The following HAVCR2 variants were observed in gnomAD, a reference collection of about 807,000 sequenced individuals.
HAVCR2 encodes T cell immunoglobulin mucin 3.
Under a neutral mutation model 24.7 loss-of-function variants are expected in HAVCR2, and 13 were observed. The ratio of observed to expected loss-of-function variants is 0.53; its 90% confidence interval spans 0.34 to 0.84. The LOEUF (loss-of-function observed/expected upper bound fraction) is 0.84. HAVCR2 is among the 40% of genes least tolerant of loss of function. The pLI is 0.01. For missense variants in HAVCR2, 343 were observed against 371.2 expected (o/e 0.92, Z 0.62); for synonymous variants, 154 against 143.4 (o/e 1.07, Z -0.53).
In HAVCR2 at chr5:157,086,889, G is replaced by T; in HGVS notation, c.*213C>A. On this transcript the variant is annotated 3_prime_UTR_variant, in exon 7 of 7. Transcript: ENST00000307851. ...ATCCATGATTAACAGTCTCTGGGTT[G>T]GGTAACTCTGTTGGCTTAAATACAG... The T allele has an allele frequency of 1.9e-6, 1 of 519,918 alleles. No homozygotes were observed. The highest frequency in any genetic ancestry group is 3.4e-6 in the Non-Finnish European group (1 of 298,218). The allele number at this position is 519,918 out of a possible 1,614,324, so 32.2% of individuals were successfully genotyped here. A position where few individuals can be genotyped will look rare whatever the true frequency, so the allele number is the denominator to read the frequency against.
chr5:157,104,542 C>T (rs1581762710), intron 3 of HAVCR2, 124 bp downstream of exon 3: 1 of 613,404 alleles, frequency 1.6e-6, no homozygotes, highest in South Asian at 2.3e-5. Flanking sequence ...AACACTATTT[C>T]AGGTGCACGG....
At chr5:157,090,148 G>C (rs1250496432) in intron 5 of HAVCR2, among the ~76,000 whole-genome samples, 8 of 8,180 alleles carry the variant, frequency 9.8e-4, no homozygotes, top group African/African-American at 4.0e-3. Flanking sequence ...TTTTTTTTTT[G>C]AGACAGGGTC....
At chr5:157,103,248 G>A (rs1275560398) in intron 3 of HAVCR2, among the ~76,000 whole-genome samples, 6 of 152,052 alleles carry the variant, frequency 3.9e-5, no homozygotes, top group Non-Finnish European at 7.4e-5. Context: ...GTGGGCGCCT[G>A]TAGTCCCAGC....
chr5:157,092,787 C>T (rs1410133729), intron 5 of HAVCR2, among the ~76,000 whole-genome samples: 1 of 146,154 alleles, frequency 6.8e-6, no homozygotes. Flanking sequence ...CCTGTAATCC[C>T]AGCACTTTGG....
At chr5:157,093,609 C>A (rs1269782760) in intron 5 of HAVCR2, among the ~76,000 whole-genome samples, 3 of 152,092 alleles carry the variant, frequency 2.0e-5, no homozygotes, top group Non-Finnish European at 4.4e-5. Flanking sequence ...GGCATAAGGA[C>A]TTGGTTTCTG....
Position 157,099,991 on chromosome 5 carries a change from G to A in HAVCR2, c.479-1090C>T, listed in dbSNP as rs144625097. ...GATTACAGGCGTGAGCCACCGTGCC[G>A]TGCCCAGCCTCCATTTTCTTAAATA... On this transcript the variant is annotated intron_variant, in intron 3 of 6. Transcript: ENST00000307851. Among the ~76,000 whole-genome samples, 408 of 152,152 alleles carry A rather than the reference G, an allele frequency of 2.7e-3. 1 individual carries two copies. Among genetic ancestry groups the A allele is most frequent in the Middle Eastern group, 0.024 (7 of 294 alleles).
intron 3 of HAVCR2, 99 bp from the exon 4 acceptor site, chr5:157,099,000 C>A: frequency 1.0e-6 from 1 of 996,952 alleles, no homozygotes; most frequent in South Asian, 1.7e-5. Flanking sequence ...CTTAATGATG[C>A]CTATAATCCT....
intron 5 of HAVCR2, among the ~76,000 whole-genome samples, chr5:157,089,547 A>C (rs113560472): frequency 0.034 from 5,228 of 152,094 alleles, 277 homozygotes; most frequent in African/African-American, 0.11. Flanking sequence ...AAAAAAAAAA[A>C]AACAACAACA....
rs869177923 is a variant in HAVCR2 at position 157,090,122 on chromosome 5, C to CTTTTTTTTTTT, written c.677-1156_677-1146dup. Among the ~76,000 whole-genome samples, 605 of 65,486 alleles carry CTTTTTTTTTTT rather than the reference C, an allele frequency of 9.2e-3. 9 individuals are homozygous for CTTTTTTTTTTT. Among genetic ancestry groups the CTTTTTTTTTTT allele is most frequent in the East Asian group, 0.011 (22 of 1,966 alleles). 43.0% of individuals were successfully genotyped at this position (65,486 alleles called of 152,430 possible). On this transcript the variant is annotated intron_variant, in intron 5 of 6. Transcript: ENST00000307851. ...TTAAAATTTTCCTTTCTTTTCTTTT[C>CTTTTTTTTTTT]TTTTTTTTTTTTTTTTTTTTTTTTT...
chr5:157,093,802 A>G (rs6862573), intron 5 of HAVCR2, among the ~76,000 whole-genome samples: 128,143 of 151,906 alleles, frequency 0.84, 54,206 homozygotes, highest in East Asian at 0.99. Flanking sequence ...AAAATTAGCC[A>G]GGCGTGGTGG....
Position 157,087,079 on chromosome 5 carries a change from G to A in HAVCR2, c.*23C>T. On this transcript the variant is annotated 3_prime_UTR_variant, in exon 7 of 7. Transcript: ENST00000307851. ...GTTTCTGAAAAAGACAAAACACCAA[G>A]CTCAAAAATAAGGTGGTTGGATCTA... 6.2e-7 allele frequency: 1 copy of A among 1,606,266 alleles called. No homozygotes were observed. The highest frequency in any genetic ancestry group is 1.3e-5 in the African/African-American group (1 of 74,544).
Position 157,106,609 on chromosome 5 carries a change from A to T in HAVCR2, c.394+18T>A. On this transcript the variant is annotated intron_variant, in intron 2 of 6. Coordinates refer to ENST00000307851, the MANE Select transcript of HAVCR2 (RefSeq NM_032782.5). ...GATAAATCTTATTCATAAAGATGGC[A>T]TGCAAATGTCCACTCACCTGGTTTG... 1 of 1,581,994 alleles carries T rather than the reference A, an allele frequency of 6.3e-7. No homozygotes were observed. Among genetic ancestry groups the T allele is most frequent in the Non-Finnish European group, 8.7e-7 (1 of 1,150,938 alleles).
intron 5 of HAVCR2, among the ~76,000 whole-genome samples, chr5:157,090,122 CTTT>C (rs869177923): frequency 1.5e-4 from 10 of 65,580 alleles, no homozygotes; most frequent in African/African-American, 5.1e-4. Context: ...CTTTTCTTTT[CTTT>C]TTTTTTTTTT....
chr5:157,094,041 CT>C (rs1374358354), intron 5 of HAVCR2, among the ~76,000 whole-genome samples: 235 of 136,294 alleles, frequency 1.7e-3, no homozygotes, highest in Middle Eastern at 7.6e-3. Context: ...CAACACACTT[CT>C]TTTTTTTTTT....
chr5:157,103,647 AG>A (rs763059844), intron 3 of HAVCR2, among the ~76,000 whole-genome samples: 2 of 152,204 alleles, frequency 1.3e-5, no homozygotes, highest in Non-Finnish European at 2.9e-5. Context: ...TAAACAGTTG[AG>A]TGCTTTTTAT....
chr5:157,096,894 C>G (rs1195875072), intron 4 of HAVCR2, among the ~76,000 whole-genome samples: 1 of 151,072 alleles, frequency 6.6e-6, no homozygotes, highest in African/African-American at 2.4e-5. Context: ...AGTTAGGGAC[C>G]AGCCTAATAA....
At chr5:157,095,725 A>AAG (rs1554095441) in intron 4 of HAVCR2, among the ~76,000 whole-genome samples, 50 of 151,264 alleles carry the variant, frequency 3.3e-4, no homozygotes, top group African/African-American at 1.2e-3. Flanking sequence ...AAAAAAAAAA[A>AAG]AGAGAGAAGG....
chr5:157,100,085 A>G (rs542100051), intron 3 of HAVCR2, among the ~76,000 whole-genome samples: 4 of 152,334 alleles, frequency 2.6e-5, no homozygotes, highest in Admixed American at 2.6e-4. Context: ...TGTGGTCACA[A>G]TGTAATAGGA....
rs1278807966 is a variant in HAVCR2, at chr5:157,085,954, C to T, written c.*1148G>A. Reference sequence around the variant, plus strand: ...TCTTGAAATTTAAGTTTAGGGACCACTCTCTGTCAAAGGATCCAGCGCTGG... The same window carrying T: ...TCTTGAAATTTAAGTTTAGGGACCATTCTCTGTCAAAGGATCCAGCGCTGG... On this transcript the variant is annotated 3_prime_UTR_variant, in exon 7 of 7. Coordinates refer to ENST00000307851, the MANE Select transcript of HAVCR2 (RefSeq NM_032782.5). 2 of 152,206 alleles carry T rather than the reference C, an allele frequency of 1.3e-5. No individual in the cohort carries two copies. The highest frequency in any genetic ancestry group is 2.9e-5 in the Non-Finnish European group (2 of 68,048). 9.4% of individuals were successfully genotyped at this position (152,206 alleles called of 1,614,324 possible). A position where few individuals can be genotyped will look rare whatever the true frequency, so the allele number is the denominator to read the frequency against.
Sources: gnomAD v4.1 joint callset for allele counts (sites outside exome capture counted in the v4.1 genomes callset) on GRCh38, gnomAD v4.1.1 for gene constraint, MANE v1.5 for transcripts, NCBI Gene and HGNC (gene_info 2026-07-23, HGNC 2026-07-21) for gene names.